MTA3: variants seen among roughly 807,000 people sequenced by gnomAD.
MTA3 encodes the protein metastasis-associated protein MTA3.
MTA3 carries 34 observed loss-of-function variants against 83.5 expected under a neutral mutation model. That is an observed-to-expected ratio of 0.41 (90% CI 0.31 to 0.54). MTA3 has a LOEUF of 0.54. MTA3 is among the 20% of genes least tolerant of loss of function. The pLI, the probability that MTA3 is intolerant of heterozygous loss-of-function variation, is 0.33. For synonymous variants in MTA3, 303 were observed against 252.7 expected (o/e 1.20, Z -1.89); for missense variants, 761 against 726.4 (o/e 1.05, Z -0.55).
chr2:42,503,585 T>G (rs2103648727), intron 2 of MTA3, among the ~76,000 whole-genome samples: 1 of 152,338 alleles, frequency 6.6e-6, no homozygotes, highest in Non-Finnish European at 1.5e-5. Context: ...CTTGTCAGGT[T>G]GTTTATTTAC....
In MTA3 at chr2:42,651,983, C is replaced by T. The variant is rs1482178848; in HGVS notation, c.500-4217C>T. On this transcript the variant is annotated intron_variant, in intron 6 of 16. Transcript: ENST00000405094. ...TGGTGGTGGGCACCTGTAATCCCAG[C>T]TACTTCGGGAGGCTGAGGCAGGAGA... is the stretch of plus-strand genomic sequence containing the variant. 2.0e-5 allele frequency among the ~76,000 whole-genome samples: 3 copies of T among 152,118 alleles called. No homozygotes were observed. The East Asian group carries it at 5.8e-4, about 29-fold the overall frequency.
chr2:42,497,227 AAAAC>A (rs895918694), intron 2 of MTA3, among the ~76,000 whole-genome samples: 4 of 151,818 alleles, frequency 2.6e-5, no homozygotes, highest in Admixed American at 6.6e-5. Context: ...TTTTCAAAAA[AAAAC>A]AAAACAAACA....
chr2:42,521,278 C>G (rs1014894657), intron 2 of MTA3, among the ~76,000 whole-genome samples: 2 of 152,166 alleles, frequency 1.3e-5, no homozygotes, highest in African/African-American at 4.8e-5. Context: ...ACTGACATCT[C>G]TGGCCAGCAA....
In MTA3 at chr2:42,664,466, C is replaced by CTTTTTTTTTTTTTTTTTTTT. The variant is rs35633597; in HGVS notation, c.702+4613_702+4632dup. ...CCTACTACCCCCTCACCCCGCTTAC[C>CTTTTTTTTTTTTTTTTTTTT]TTTTTTTTTTTTTTTTTTTTTTTTT... is the stretch of plus-strand genomic sequence containing the variant. On this transcript the variant is annotated intron_variant, in intron 8 of 16. Transcript: ENST00000405094. Among the ~76,000 whole-genome samples, 34 of 85,758 alleles carry CTTTTTTTTTTTTTTTTTTTT rather than the reference C, an allele frequency of 4.0e-4. 15 individuals are homozygous for CTTTTTTTTTTTTTTTTTTTT. Among genetic ancestry groups the CTTTTTTTTTTTTTTTTTTTT allele is most frequent in the African/African-American group, 9.0e-4 (19 of 21,052 alleles). 56.3% of individuals were successfully genotyped at this position (85,758 alleles called of 152,430 possible).
In MTA3 at chr2:42,537,955, A is replaced by G. The variant is rs1420636641; in HGVS notation, c.-140-32482A>G. Among the ~76,000 whole-genome samples, 4 of 152,178 alleles carry G rather than the reference A, an allele frequency of 2.6e-5. No homozygotes were observed. In the East Asian group the frequency reaches 5.8e-4, roughly 22 times the overall value. On this transcript the variant is annotated intron_variant, in intron 2 of 17. Coordinates refer to the MTA3 transcript ENST00000405592. ...ACAATGATAATTTTGACAATAGGCCAGGCACAGTGGCTCATGCCTGTAATC... is the reference window on the plus strand; with the variant it reads ...ACAATGATAATTTTGACAATAGGCCGGGCACAGTGGCTCATGCCTGTAATC...
rs558531538 is a variant in MTA3 at position 42,712,362 on chromosome 2, A to G, written c.1525+3266A>G. On this transcript the variant is annotated intron_variant, in intron 14 of 16. Coordinates refer to ENST00000405094, the MANE Select transcript of MTA3 (RefSeq NM_001330442.2). ...CCATGCTCTGGAGTGCAGTGGTACC[A>G]TCATAGCTCAGTGCAGCCTTGAACT... is the stretch of plus-strand genomic sequence containing the variant. Among the ~76,000 whole-genome samples the G allele has an allele frequency of 2.6e-3, 394 of 152,052 alleles. 2 individuals are homozygous for G. The highest frequency in any genetic ancestry group is 6.8e-3 in the Middle Eastern group (2 of 294).
At chr2:42,498,559 T>C (rs1361500185) in intron 2 of MTA3, among the ~76,000 whole-genome samples, 1 of 152,180 alleles carries the variant, frequency 6.6e-6, no homozygotes, top group Non-Finnish European at 1.5e-5. Context: ...GGCGCACACA[T>C]GCATAATTGG....
At chr2:42,620,004 A>C (rs544496487) in intron 4 of MTA3, among the ~76,000 whole-genome samples, 1 of 152,168 alleles carries the variant, frequency 6.6e-6, no homozygotes, top group African/African-American at 2.4e-5. Flanking sequence ...CCTTCTTTAT[A>C]ATTGAGGTGA....
At chr2:42,509,606 C>G (rs1318507962) in intron 2 of MTA3, among the ~76,000 whole-genome samples, 1 of 151,752 alleles carries the variant, frequency 6.6e-6, no homozygotes, top group East Asian at 1.9e-4. Flanking sequence ...TCTGTTCCTA[C>G]TAAAAAATGC....
chr2:42,586,130 A>G (rs2103906600), intron 3 of MTA3, among the ~76,000 whole-genome samples: 1 of 152,116 alleles, frequency 6.6e-6, no homozygotes, highest in East Asian at 2.0e-4. Context: ...ATGCAAAATT[A>G]ACTGGGCATG....
chr2:42,679,093 A>G (rs1691641722), intron 8 of MTA3, among the ~76,000 whole-genome samples: 1 of 152,166 alleles, frequency 6.6e-6, no homozygotes, highest in Non-Finnish European at 1.5e-5. Flanking sequence ...ACCTTGTATT[A>G]TTATCAGTCT....
Position 42,697,764 on chromosome 2 carries a change from C to A in MTA3, c.967-12C>A. 1 of 1,525,162 alleles carries A rather than the reference C, an allele frequency of 6.6e-7. No homozygotes were observed. The highest frequency in any genetic ancestry group is 1.3e-5 in the South Asian group (1 of 76,560). 94.5% of individuals were successfully genotyped at this position (1,525,162 alleles called of 1,614,324 possible). ...ATTGCATGTAAAATGTTTTATTCAT[C>A]TTTTGAATTAGAAACGTCTAAAAGC... On this transcript the variant is annotated splice_polypyrimidine_tract_variant and intron_variant, in intron 10 of 16. Transcript: ENST00000405094.
At chr2:42,516,072 G>A (rs1287171508) in intron 2 of MTA3, among the ~76,000 whole-genome samples, 2 of 151,300 alleles carry the variant, frequency 1.3e-5, no homozygotes, top group South Asian at 2.1e-4. Context: ...CCGCCACCAC[G>A]CCCAGCTGAT....
At chr2:42,695,733 A>G (rs1194248353) in intron 9 of MTA3, 32 bp from the exon 10 acceptor site, 4 of 1,340,854 alleles carry the variant, frequency 3.0e-6, no homozygotes, top group African/African-American at 1.6e-5. Context: ...ATATGTTAAC[A>G]TAGATGATAG....
intron 4 of MTA3, chr2:42,614,198 G>C (rs1684571044): frequency 1.3e-5 from 2 of 152,102 alleles, no homozygotes; most frequent in South Asian, 4.2e-4. Flanking sequence ...CCCGGTGGTA[G>C]GTGATTCTCT....
At chr2:42,709,158 C>G in intron 14 of MTA3, 62 bp downstream of exon 14, 2 of 1,506,010 alleles carry the variant, frequency 1.3e-6, no homozygotes, top group Non-Finnish European at 1.8e-6. Flanking sequence ...CTCTTTTCCT[C>G]TCTTTCCTTT....
Position 42,644,147 on chromosome 2 carries a change from G to A in MTA3, c.402G>A (p.Leu134=), listed in dbSNP as rs755272984. 6.2e-7 allele frequency: 1 copy of A among 1,605,656 alleles called. No individual in the cohort carries two copies. Among genetic ancestry groups the A allele is most frequent in the East Asian group, 2.3e-5 (1 of 44,342 alleles). The part of the protein sequence containing the change: ...LDKEDTFFYS[L]VYDPSLKTLL... ...TTCAGGATACCTTCTTCTACTCATT[G>A]GTCTATGACCCCTCATTGAAAACAC... Residue 134 remains leucine (L), a synonymous_variant, in exon 6 of 17, where the codon TTG becomes TTA. Transcript: ENST00000405094.
At chr2:42,594,719 TATATATA>T (rs1681510336) in intron 3 of MTA3, among the ~76,000 whole-genome samples, 1 of 43,702 alleles carries the variant, frequency 2.3e-5, no homozygotes, top group African/African-American at 1.6e-4. Flanking sequence ...TATATATATA[TATATATA>T]TATTTTTTTT....
rs1237568797 is a variant in MTA3, at chr2:42,609,567, G to T, written c.300G>T (p.Leu100=). The change falls in exon 4 of 17, where the codon CTG becomes CTT. Residue 100 remains leucine (L), a synonymous_variant. Transcript: ENST00000405094. The stretch of plus-strand genomic sequence containing the variant: ...TTTTGTCACGCCAGTATGAATCTCT[G>T]CCCGCAACACATATCAGGTAAGAAC... ...ELFLSRQYES[L]PATHIRGKCS... 2 of 1,613,712 alleles carry T rather than the reference G, an allele frequency of 1.2e-6. No individual in the cohort carries two copies. Among genetic ancestry groups the T allele is most frequent in the Non-Finnish European group, 1.7e-6 (2 of 1,179,742 alleles).
Sources: allele counts gnomAD v4.1 joint callset (sites outside exome capture counted in the v4.1 genomes callset), GRCh38; gene constraint gnomAD v4.1.1; transcripts MANE v1.5; gene names NCBI Gene and HGNC (gene_info 2026-07-23, HGNC 2026-07-21).